The following DNAJC11 variants were observed in gnomAD, a reference collection of about 807,000 sequenced individuals.
The protein encoded by DNAJC11 is dnaJ homolog subfamily C member 11.
In DNAJC11, 15 loss-of-function variants were observed where a neutral mutation model predicts 78.6. The ratio of observed to expected loss-of-function variants is 0.19; its 90% CI spans 0.13 to 0.29. DNAJC11 has a LOEUF of 0.29. DNAJC11 is among the 10% of genes least tolerant of loss of function. DNAJC11 has a pLI of 1.00. For synonymous variants in DNAJC11, 292 were observed against 272.1 expected, an observed-to-expected ratio of 1.07 and a Z score of -0.72; for missense variants, 547 against 709.6, an observed-to-expected ratio of 0.77 and a Z score of 2.60.
At chr1:6,694,166 T>C (rs1436132830) in intron 1 of DNAJC11, among the ~76,000 whole-genome samples, 1 of 151,826 alleles carries the variant, frequency 6.6e-6, no homozygotes, top group Non-Finnish European at 1.5e-5. Flanking sequence ...GTTTAATTAT[T>C]TTCTCCTCTC....
intron 7 of DNAJC11, among the ~76,000 whole-genome samples, chr1:6,649,444 G>C (rs989924873): frequency 3.3e-5 from 5 of 152,198 alleles, no homozygotes; most frequent in African/African-American, 9.6e-5. Context: ...GCTGGGATTA[G>C]AGGCATGAGC....
chr1:6,662,569 C>T (rs1309851068), intron 4 of DNAJC11, among the ~76,000 whole-genome samples: 1 of 152,006 alleles, frequency 6.6e-6, no homozygotes, highest in Non-Finnish European at 1.5e-5. Flanking sequence ...CACCAATCAG[C>T]GCTCTGTCGC....
chr1:6,673,744 T>C (rs1642417914), intron 3 of DNAJC11, among the ~76,000 whole-genome samples: 1 of 152,176 alleles, frequency 6.6e-6, no homozygotes, highest in Admixed American at 6.5e-5. Context: ...CAATCCAAGA[T>C]TCCACGTTGC....
In DNAJC11 at chr1:6,638,367, T is replaced by C. The variant is rs375687606; in HGVS notation, c.1254-3A>G. 2.5e-6 allele frequency: 4 copies of C among 1,612,900 alleles called. No individual in the cohort carries two copies. The highest frequency in any genetic ancestry group is 3.4e-6 in the Non-Finnish European group (4 of 1,179,426). On this transcript the variant is annotated splice_polypyrimidine_tract_variant and splice_region_variant and intron_variant, in intron 11 of 15. Coordinates refer to ENST00000377577, the MANE Select transcript of DNAJC11 (RefSeq NM_018198.4). ...TTTCCCTCTGCTTCTCCAATTCCCTTACGCGAGAGGAACACAAGCCCCACG... is the reference window on the plus strand; with the variant it reads ...TTTCCCTCTGCTTCTCCAATTCCCTCACGCGAGAGGAACACAAGCCCCACG...
At chr1:6,698,531 G>T (rs775436093) in intron 1 of DNAJC11, among the ~76,000 whole-genome samples, 3 of 151,598 alleles carry the variant, frequency 2.0e-5, no homozygotes, top group Admixed American at 1.3e-4. Flanking sequence ...GAAGACAACA[G>T]AAAGTGACTT....
chr1:6,645,723 T>G lies in DNAJC11; in HGVS notation c.894+66A>C. On this transcript the variant is annotated intron_variant, in intron 8 of 15. Coordinates refer to ENST00000377577, the MANE Select transcript of DNAJC11 (RefSeq NM_018198.4). This position sits in a 1 kb window ranked among gnomAD's most constrained non-coding sequence, Gnocchi z 4.1. ...AGGACGCAGGATTTAAGGGGAGCACTGAGTGCTTGGGAGGAGGGGTCCTCC... is the reference window on the plus strand; with the variant it reads ...AGGACGCAGGATTTAAGGGGAGCACGGAGTGCTTGGGAGGAGGGGTCCTCC... The G allele has an allele frequency of 5.7e-6, 9 of 1,565,496 alleles. 1 individual carries two copies. Among genetic ancestry groups the G allele is most frequent in the South Asian group, 3.5e-5 (3 of 86,660 alleles).
At chr1:6,636,506 C>T (rs1213022787) in intron 14 of DNAJC11, among the ~76,000 whole-genome samples, 1 of 152,218 alleles carries the variant, frequency 6.6e-6, no homozygotes, top group African/African-American at 2.4e-5. Flanking sequence ...AGCTAACCTG[C>T]ATTTTCATCC....
chr1:6,636,393 A>ATT, intron 14 of DNAJC11, 147 bp from the exon 15 acceptor site: 1 of 1,278,486 alleles, frequency 7.8e-7, no homozygotes, highest in Non-Finnish European at 1.1e-6. Flanking sequence ...AGAAACAAGA[A>ATT]TTTGAAAAAG....
At chr1:6,701,658 A>G (rs1161302094) in intron 1 of DNAJC11, 71 bp downstream of exon 1, 3 of 1,434,898 alleles carry the variant, frequency 2.1e-6, no homozygotes, top group Non-Finnish European at 2.8e-6. Flanking sequence ...TGGGGCGGCC[A>G]CCGCCAGCCC....
intron 3 of DNAJC11, chr1:6,668,103 A>T (rs1642319462): frequency 2.9e-6 from 1 of 343,622 alleles, no homozygotes; most frequent in Admixed American, 4.4e-5. Context: ...AGGCTGCAGA[A>T]ATCTTACAAG....
chr1:6,638,549 G>A (rs757599456), intron 11 of DNAJC11, among the ~76,000 whole-genome samples, 185 bp from the exon 12 acceptor site: 51 of 152,320 alleles, frequency 3.3e-4, no homozygotes, highest in Admixed American at 1.6e-3. Flanking sequence ...CAGGCTGGCA[G>A]CTTTCATTTT....
At chr1:6,651,403 G>T in intron 7 of DNAJC11, 126 bp downstream of exon 7, 2 of 806,278 alleles carry the variant, frequency 2.5e-6, no homozygotes, top group Non-Finnish European at 4.1e-6. Flanking sequence ...ACCTGCCCTT[G>T]ATGTACGCAG....
At chr1:6,668,397 C>T (rs147230212) in intron 3 of DNAJC11, among the ~76,000 whole-genome samples, 112 of 152,252 alleles carry the variant, frequency 7.4e-4, no homozygotes, top group Non-Finnish European at 1.1e-3. Context: ...CCTCGGCCTC[C>T]GGAAGTGCTG....
At chr1:6,656,641 G>A (rs1252312772) in intron 4 of DNAJC11, among the ~76,000 whole-genome samples, 1 of 151,884 alleles carries the variant, frequency 6.6e-6, no homozygotes, top group Non-Finnish European at 1.5e-5. Flanking sequence ...TACTTTGGGA[G>A]GCTGAGGTGG....
At chr1:6,669,555 G>GAAAAC (rs1642345933) in intron 3 of DNAJC11, among the ~76,000 whole-genome samples, 1 of 151,078 alleles carries the variant, frequency 6.6e-6, no homozygotes, top group East Asian at 1.9e-4. Flanking sequence ...GAAAAGAAAA[G>GAAAAC]AAAAGAAAAG....
chr1:6,678,879 C>A (rs963904835), intron 2 of DNAJC11, among the ~76,000 whole-genome samples: 1 of 152,100 alleles, frequency 6.6e-6, no homozygotes, highest in African/African-American at 2.4e-5. Context: ...GAATTCCTGG[C>A]CTTAAATGAT....
chr1:6,639,780 ATTAC>A, intron 11 of DNAJC11, 118 bp downstream of exon 11: 5 of 1,066,494 alleles, frequency 4.7e-6, no homozygotes, highest in Non-Finnish European at 6.6e-6. Context: ...CTTTACATGC[ATTAC>A]TTAATTCAGG....
intron 4 of DNAJC11, 124 bp from the exon 5 acceptor site, chr1:6,654,163 T>A (rs1051605904): frequency 1.6e-6 from 2 of 1,250,112 alleles, no homozygotes; most frequent in African/African-American, 3.0e-5. Context: ...TTCACTGGGT[T>A]TAGGTAGGAC....
chr1:6,674,267 A>G (rs1398562903), intron 3 of DNAJC11, among the ~76,000 whole-genome samples: 2 of 152,172 alleles, frequency 1.3e-5, no homozygotes, highest in African/African-American at 4.8e-5. Flanking sequence ...AGCCTTAAAA[A>G]AAAAGTGGGG....
Sources: gnomAD v4.1 joint callset for allele counts (sites outside exome capture counted in the v4.1 genomes callset) on GRCh38, gnomAD v4.1.1 for gene constraint, Gnocchi (gnomAD v3.1) non-coding constraint, MANE v1.5 for transcripts, NCBI Gene and HGNC (gene_info 2026-07-23, HGNC 2026-07-21) for gene names.